MEPE: variants seen among roughly 807,000 people sequenced by gnomAD.
The protein encoded by MEPE is matrix extracellular phosphoglycoprotein.
Under a neutral mutation model 7.3 loss-of-function variants are expected in MEPE, and 7 were observed. The observed-to-expected ratio is 0.95, with a 90% CI of 0.54 to 1.79. The LOEUF (loss-of-function observed/expected upper bound fraction) is 1.79, where lower values mean the gene tolerates loss of function less well. Ranked by LOEUF, MEPE falls within the 40% of genes most tolerant of loss-of-function variation. MEPE has a pLI of 0.00. For synonymous variants in MEPE, 214 were observed against 213.1 expected (o/e 1.00, Z -0.04); for missense variants, 623 against 628.2 (o/e 0.99, Z 0.09).
chr4:87,827,285 T>C (rs77642911), intron 1 of MEPE, among the ~76,000 whole-genome samples: 2,077 of 152,278 alleles, frequency 0.014, 55 homozygotes, highest in African/African-American at 0.048. Flanking sequence ...GGTATGTTTA[T>C]AGCAACAGAT....
chr4:87,846,280 A>G lies in MEPE; in HGVS notation c.1412A>G (p.Tyr471Cys), dbSNP rs149174816. The change falls in exon 4 of 4, where the codon TAT becomes TGT. Residue 471 changes from tyrosine to cysteine, a missense_variant. Tyr to Cys is a radical substitution (Grantham distance 194). Coordinates refer to ENST00000361056, the MANE Select transcript of MEPE (RefSeq NM_020203.6). ...NIITHGRKYHYVPHRQNNSTR... is the reference protein window; with the variant it reads ...NIITHGRKYHCVPHRQNNSTR... ...ATAACACATGGCAGAAAATATCATTATGTACCCCACAGACAAAATAATTCT... is the reference window on the plus strand; with the variant it reads ...ATAACACATGGCAGAAAATATCATTGTGTACCCCACAGACAAAATAATTCT... 6.1e-4 allele frequency: 991 copies of G among 1,614,088 alleles called. No individual in the cohort carries two copies. Among genetic ancestry groups the G allele is most frequent in the Middle Eastern group, 8.2e-4 (5 of 6,062 alleles).
chr4:87,845,049 AAAG>A lies in MEPE; in HGVS notation c.184_186del (p.Glu62del). On this transcript the variant is annotated inframe_deletion, in exon 4 of 4. Transcript: ENST00000361056. Reference sequence around the variant, plus strand: ...GAGAATAAATCAAGAGCTATCATCTAAAGAAAATATTGTCCAGGAAAGAAAGAA... The same window carrying A: ...GAGAATAAATCAAGAGCTATCATCTAAAAATATTGTCCAGGAAAGAAAGAA... 1 of 1,612,374 alleles carries A rather than the reference AAAG, an allele frequency of 6.2e-7. No homozygotes were observed. The highest frequency in any genetic ancestry group is 8.5e-7 in the Non-Finnish European group (1 of 1,179,372).
rs2110014186 is a variant in MEPE, at chr4:87,845,636, T to G, written c.768T>G (p.Ser256Arg). The G allele has an allele frequency of 1.2e-6, 2 of 1,613,866 alleles. No homozygotes were observed. The highest frequency in any genetic ancestry group is 4.5e-5 in the East Asian group (2 of 44,886). Residue 256 changes from serine to arginine, a missense_variant, in exon 4 of 4, where the codon AGT (serine) becomes AGG (arginine). Ser to Arg is a moderately radical substitution (Grantham distance 110). Transcript: ENST00000361056. ...ERGDNDISPF[S>R]GDGQPFKDIP... ...GGGACAATGATATATCTCCTTTCAG[T>G]GGGGACGGCCAACCTTTTAAGGACA... is the stretch of plus-strand genomic sequence containing the variant.
chr4:87,843,042 T>C (rs1723074527), intron 3 of MEPE, among the ~76,000 whole-genome samples: 1 of 152,192 alleles, frequency 6.6e-6, no homozygotes, highest in Non-Finnish European at 1.5e-5. Context: ...ATCTTCATTT[T>C]TACATGTTAA....
chr4:87,832,159 A>G (rs555676689), upstream of MEPE, among the ~76,000 whole-genome samples: 1 of 152,148 alleles, frequency 6.6e-6, no homozygotes, highest in African/African-American at 2.4e-5. Context: ...TTGCCCTTTT[A>G]TAAGGTCATT....
At chr4:87,833,780 T>C (rs1021615683) in intron 1 of MEPE, among the ~76,000 whole-genome samples, 4 of 152,210 alleles carry the variant, frequency 2.6e-5, no homozygotes, top group African/African-American at 9.6e-5. Context: ...CCTTTATTTG[T>C]AACTAAATGT....
intron 1 of MEPE, among the ~76,000 whole-genome samples, chr4:87,826,743 G>T (rs574165260): frequency 9.2e-5 from 14 of 152,060 alleles, no homozygotes; most frequent in Admixed American, 8.5e-4. Context: ...ATGATCAGTG[G>T]GGATGTTGAG....
chr4:87,846,465 CG>C lies in MEPE; in HGVS notation c.*23del, dbSNP rs761045015. ...TGACTAGTCCACCAGGAGTTCCCAG[CG>C]GGGTGACAGTCTGAAGACCTCGTCA... On this transcript the variant is annotated 3_prime_UTR_variant, in exon 4 of 4. Transcript: ENST00000361056. 53 of 1,599,014 alleles carry C rather than the reference CG, an allele frequency of 3.3e-5. No individual in the cohort carries two copies. In the Admixed American group the frequency reaches 6.3e-4, roughly 19 times the overall value.
At position 87,845,129 on chromosome 4, in the gene MEPE, A is replaced by C; in HGVS notation, c.261A>C (p.Gln87His). ...ASENKGSSKS[Q>H]NYFTNRQRLN... ...AGAATAAGGGAAGTAGTAAATCTCA[A>C]AATTATTTCACAAATAGACAGAGAC... The change falls in exon 4 of 4, where the codon CAA becomes CAC. Residue 87 changes from glutamine to histidine, a missense_variant. Gln to His is a conservative substitution (Grantham distance 24). Transcript: ENST00000361056. The C allele has an allele frequency of 1.2e-6, 2 of 1,613,782 alleles. No individual in the cohort carries two copies. Among genetic ancestry groups the C allele is most frequent in the Non-Finnish European group, 1.7e-6 (2 of 1,179,864 alleles).
At position 87,833,015 on chromosome 4, in the gene MEPE, G is replaced by A. The variant is rs1199534266; in HGVS notation, c.-13+1G>A. The A allele has an allele frequency of 1.3e-5, 2 of 152,096 alleles. No homozygotes were observed. The highest frequency in any genetic ancestry group is 6.5e-5 in the Admixed American group (1 of 15,268). The allele number at this position is 152,096 out of a possible 1,614,324, so 9.4% of individuals were successfully genotyped here. ...GTATTCTGAAGGTGAAAGATACCAG[G>A]TAATTTGGCTTTCATGTTCTTGACA... On this transcript the variant is annotated splice_donor_variant, in intron 1 of 3. Coordinates refer to ENST00000361056, the MANE Select transcript of MEPE (RefSeq NM_020203.6). LOFTEE classifies it low-confidence loss of function (5UTR_SPLICE).
At position 87,837,134 on chromosome 4, in the gene MEPE, A is replaced by G. The variant is rs536890706; in HGVS notation, c.55-1498A>G. Among the ~76,000 whole-genome samples, 25 of 152,282 alleles carry G rather than the reference A, an allele frequency of 1.6e-4. No individual in the cohort carries two copies. In the South Asian group the frequency reaches 1.9e-3, roughly 11 times the overall value. Reference sequence around the variant, plus strand: ...CGACTTTCTAAGGGAAGCTAGCTATAAAGTATAAGGAAGAACAGAAAAGCC... The same window carrying G: ...CGACTTTCTAAGGGAAGCTAGCTATGAAGTATAAGGAAGAACAGAAAAGCC... On this transcript the variant is annotated intron_variant, in intron 2 of 3. Transcript: ENST00000361056.
chr4:87,831,543 G>C (rs1722598971), upstream of MEPE, among the ~76,000 whole-genome samples: 1 of 152,096 alleles, frequency 6.6e-6, no homozygotes, highest in Non-Finnish European at 1.5e-5. Flanking sequence ...TCAGGTTCAA[G>C]CCTCCATCAT....
intron 3 of MEPE, chr4:87,840,003 C>G (rs1364387155): frequency 3.3e-6 from 5 of 1,535,528 alleles, no homozygotes; most frequent in Non-Finnish European, 4.4e-6. Flanking sequence ...CGGCCCACAT[C>G]TCGCTCTGCT....
At chr4:87,822,014 C>G (rs1187115651) in intron 1 of MEPE, among the ~76,000 whole-genome samples, 2 of 152,146 alleles carry the variant, frequency 1.3e-5, no homozygotes, top group African/African-American at 4.8e-5. Flanking sequence ...CTAGCCCACA[C>G]AGTGCCTGCC....
Position 87,845,996 on chromosome 4 carries a change from T to C in MEPE, c.1128T>C (p.Pro376=), listed in dbSNP as rs1560544703. 4 of 1,613,916 alleles carry C rather than the reference T, an allele frequency of 2.5e-6. No individual in the cohort carries two copies. The highest frequency in any genetic ancestry group is 2.2e-5 in the East Asian group (1 of 44,872). Residue 376 remains proline (P), a synonymous_variant, in exon 4 of 4, where the codon CCT becomes CCC. Coordinates refer to ENST00000361056, the MANE Select transcript of MEPE (RefSeq NM_020203.6). ...HQGKVEFHYP[P]APSKEKRKEG... is the part of the protein sequence containing the mutation. ...GGAAGGTTGAGTTTCATTACCCTCC[T>C]GCACCCTCAAAAGAGAAAAGAAAAG...
intron 1 of MEPE, among the ~76,000 whole-genome samples, chr4:87,833,756 A>C (rs1178825745): frequency 1.3e-5 from 2 of 152,190 alleles, no homozygotes; most frequent in Non-Finnish European, 2.9e-5. Context: ...TATTTACCAA[A>C]ATATAAACAA....
intron 3 of MEPE, among the ~76,000 whole-genome samples, chr4:87,839,327 A>G (rs1215189419): frequency 6.6e-6 from 1 of 152,196 alleles, no homozygotes; most frequent in Non-Finnish European, 1.5e-5. Flanking sequence ...TCAGACATGA[A>G]TATTGTAAAT....
At chr4:87,832,263 T>C (rs963897612), upstream of MEPE, among the ~76,000 whole-genome samples, 17 of 152,158 alleles carry the variant, frequency 1.1e-4, no homozygotes, top group Non-Finnish European at 2.4e-4. Context: ...AGTTCTAACA[T>C]GGGAATTTTG....
At chr4:87,843,418 C>T (rs537131388) in intron 3 of MEPE, among the ~76,000 whole-genome samples, 68 of 152,310 alleles carry the variant, frequency 4.5e-4, no homozygotes, top group African/African-American at 1.4e-3. Flanking sequence ...CTCAGGATCA[C>T]TGCCTTTGCC....
Sources: allele counts gnomAD v4.1 joint callset (sites outside exome capture counted in the v4.1 genomes callset), GRCh38; gene constraint gnomAD v4.1.1; transcripts MANE v1.5; gene names NCBI Gene and HGNC (gene_info 2026-07-23, HGNC 2026-07-21).